Variants in SLC11A2 observed in about 807,000 individuals in gnomAD.
SLC11A2 encodes solute carrier family 11 member 2.
A neutral mutation model predicts 68.0 loss-of-function variants in SLC11A2; 38 were observed. That is an observed-to-expected ratio of 0.56 (90% CI 0.43 to 0.73). The LOEUF is 0.73. SLC11A2 is among the 30% of genes least tolerant of loss of function. The probability of loss-of-function intolerance (pLI) is 0.00; values close to 1 mark genes in which losing one functional copy is unlikely to be tolerated. For synonymous variants in SLC11A2, 242 were observed against 250.6 expected (o/e 0.97, Z 0.32); for missense variants, 517 against 690.5 (o/e 0.75, Z 2.82).
At chr12:51,005,024 T>A in intron 4 of SLC11A2, 117 bp from the exon 5 acceptor site, 4 of 1,243,754 alleles carry the variant, frequency 3.2e-6, no homozygotes, top group Non-Finnish European at 4.6e-6. Flanking sequence ...AGAGCCCAGG[T>A]CAAGAATCAA....
rs967411534 is a variant in SLC11A2, at chr12:51,015,744, G to T, written c.-38-4978C>A. ...TTTGATAAGTAACCATCACAATTAT[G>T]ATTAACATTGCTTTGATATTCCAGC... On this transcript the variant is annotated intron_variant, in intron 1 of 15. Transcript: ENST00000262052. Among the ~76,000 whole-genome samples, 14 of 152,108 alleles carry T rather than the reference G, an allele frequency of 9.2e-5. 1 individual carries two copies. The highest frequency in any genetic ancestry group is 3.4e-4 in the African/African-American group (14 of 41,408).
At chr12:50,972,961 C>A in the SLC11A2 span, among the ~76,000 whole-genome samples, 1 of 152,188 alleles carries the variant, frequency 6.6e-6, no homozygotes, top group African/African-American at 2.4e-5. Context: ...CCCACCATTG[C>A]GGAGGCTTGA....
intron 1 of SLC11A2, among the ~76,000 whole-genome samples, chr12:51,011,460 G>A (rs962448317): frequency 1.3e-5 from 2 of 151,474 alleles, no homozygotes; most frequent in East Asian, 3.9e-4. Flanking sequence ...CATCTACACA[G>A]AGGCTGCTAG....
chr12:51,026,236 G>T (rs1384311058), intron 1 of SLC11A2, 74 bp downstream of exon 1: 23 of 1,219,940 alleles, frequency 1.9e-5, no homozygotes, highest in East Asian at 6.6e-5. Context: ...CCCGACACAG[G>T]CCCTCGAGCC....
At chr12:51,025,207 C>T (rs1032904516) in intron 1 of SLC11A2, among the ~76,000 whole-genome samples, 2 of 152,066 alleles carry the variant, frequency 1.3e-5, no homozygotes, top group Non-Finnish European at 2.9e-5. Context: ...AGTCATGAGA[C>T]TCTGAGCAAA....
At position 51,004,836 on chromosome 12, in the gene SLC11A2, C is replaced by G. The variant is rs754672836; in HGVS notation, c.381G>C (p.Val127=). 1.7e-5 allele frequency: 27 copies of G among 1,613,928 alleles called. No homozygotes were observed. The South Asian group carries it at 2.2e-4, about 13-fold the overall frequency. The change falls in exon 5 of 16, where the codon GTG becomes GTC. Residue 127 remains valine (V), a synonymous_variant. Transcript: ENST00000262052. ...LLQRLAARLG[V]VTGLHLAEVC... is the part of the protein sequence containing the mutation. ...CTTCAGCAAGATGCAGCCCAGTAAC[C>G]ACTCCCAGTCTAGCTGCAAGCCGCT... is the stretch of plus-strand genomic sequence containing the variant.
chr12:50,994,723 A>G lies in SLC11A2; in HGVS notation c.991-93T>C, dbSNP rs114089926. 4.7e-3 allele frequency: 3,710 copies of G among 790,020 alleles called. 84 individuals carry two copies. The African/African-American group carries it at 0.055, about 12-fold the overall frequency. The allele number at this position is 790,020 out of a possible 1,614,324, so 48.9% of individuals were successfully genotyped here. A position where few individuals can be genotyped will look rare whatever the true frequency, so the allele number is the denominator to read the frequency against. On this transcript the variant is annotated intron_variant, in intron 10 of 15. Coordinates refer to ENST00000262052, the MANE Select transcript of SLC11A2 (RefSeq NM_000617.3). The stretch of plus-strand genomic sequence containing the variant: ...CATATCATACACAATCATCTATAAG[A>G]GGTAGGCTGGAGGGAAAACACTGGA...
intron 1 of SLC11A2, among the ~76,000 whole-genome samples, chr12:51,011,551 TG>T (rs1183137282): frequency 1.4e-4 from 10 of 71,990 alleles, no homozygotes; most frequent in African/African-American, 2.7e-4. Flanking sequence ...TTTTATGAGT[TG>T]TTTTTTTTTG....
upstream of SLC11A2, chr12:51,028,180 G>C: frequency 1.3e-6 from 2 of 1,533,508 alleles, no homozygotes; most frequent in African/African-American, 1.4e-5. Flanking sequence ...TACTTACTTA[G>C]TTCACAGTGT....
intron 12 of SLC11A2, 69 bp downstream of exon 12, chr12:50,992,741 A>G (rs1222392855): frequency 4.2e-6 from 6 of 1,441,786 alleles, no homozygotes; most frequent in East Asian, 2.4e-5. Flanking sequence ...AAAAAAAAAA[A>G]AAAAAGAAGA....
the SLC11A2 span, among the ~76,000 whole-genome samples, chr12:50,967,697 C>T: frequency 1.3e-5 from 2 of 152,312 alleles, no homozygotes; most frequent in African/African-American, 4.8e-5. Flanking sequence ...AGAACCAATT[C>T]CGGATAACCC....
At position 50,987,834 on chromosome 12, in the gene SLC11A2, G is replaced by T; in HGVS notation, c.*491C>A. The T allele has an allele frequency of 7.9e-7, 1 of 1,260,806 alleles. No individual in the cohort carries two copies. Among genetic ancestry groups the T allele is most frequent in the Non-Finnish European group, 1.0e-6 (1 of 977,718 alleles). 78.1% of individuals were successfully genotyped at this position (1,260,806 alleles called of 1,614,324 possible). On this transcript the variant is annotated 3_prime_UTR_variant, in exon 16 of 16. Transcript: ENST00000262052. ...ATTTCATATGGATGAAGCTATTCTAGTTGATAATTTGGTATAATTAAAATA... is the reference window on the plus strand; with the variant it reads ...ATTTCATATGGATGAAGCTATTCTATTTGATAATTTGGTATAATTAAAATA...
At chr12:50,958,448 A>G in the SLC11A2 span, among the ~76,000 whole-genome samples, 1 of 150,622 alleles carries the variant, frequency 6.6e-6, no homozygotes, top group Non-Finnish European at 1.5e-5. Context: ...CACCCGGCTA[A>G]TTTTTTGTAT....
At chr12:50,957,216 C>CT in the SLC11A2 span, among the ~76,000 whole-genome samples, 21,719 of 145,786 alleles carry the variant, frequency 0.15, 1,762 homozygotes, top group South Asian at 0.26. Context: ...GCTTTTTTTT[C>CT]TTTTTTTTTT....
the SLC11A2 span, chr12:50,953,996 A>T: frequency 6.3e-7 from 1 of 1,597,964 alleles, no homozygotes; most frequent in Non-Finnish European, 8.6e-7. Flanking sequence ...ACTAGAGAAA[A>T]AAATGTCTTC....
chr12:50,970,633 C>T, the SLC11A2 span: 1 of 623,338 alleles, frequency 1.6e-6, no homozygotes, highest in Admixed American at 3.0e-5. Flanking sequence ...CTTTGTATTT[C>T]AAGTCTCAGT....
intron 5 of SLC11A2, 128 bp downstream of exon 5, chr12:51,004,660 T>C: frequency 1.0e-6 from 1 of 954,080 alleles, no homozygotes; most frequent in Non-Finnish European, 1.6e-6. Context: ...GTTGGTACCG[T>C]CTGTCTTCAG....
At chr12:51,002,883 T>C (rs938018605) in intron 5 of SLC11A2, among the ~76,000 whole-genome samples, 3 of 150,096 alleles carry the variant, frequency 2.0e-5, no homozygotes, top group Middle Eastern at 3.5e-3. Context: ...GAGGTTGTGG[T>C]GAGCTGAGAT....
intron 3 of SLC11A2, 129 bp from the exon 4 acceptor site, chr12:51,005,565 T>C: frequency 6.6e-7 from 1 of 1,522,396 alleles, no homozygotes; most frequent in Non-Finnish European, 8.9e-7. Context: ...TGTCAGATAT[T>C]GCATGTGTCC....
Sources: allele counts gnomAD v4.1 joint callset (sites outside exome capture counted in the v4.1 genomes callset), GRCh38; gene constraint gnomAD v4.1.1; transcripts MANE v1.5; gene names NCBI Gene and HGNC (gene_info 2026-07-23, HGNC 2026-07-21).